The following PLSCR4 variants were observed in gnomAD, a reference collection of about 807,000 sequenced individuals.
PLSCR4 encodes phospholipid scramblase 4, also known as Ca(2+)-dependent phospholipid scramblase 4.
A neutral mutation model predicts 36.3 loss-of-function variants in PLSCR4; 25 were observed. That is an observed-to-expected ratio of 0.69 (90% CI 0.50 to 0.96). The LOEUF is 0.96. PLSCR4 is among the 40% of genes least tolerant of loss of function. PLSCR4 has a pLI of 0.00. For missense variants in PLSCR4, 408 were observed against 414.7 expected (o/e 0.98, Z 0.14); for synonymous variants, 122 against 132.9 (o/e 0.92, Z 0.56).
At chr3:146,211,530 A>G (rs2034620902) in intron 3 of PLSCR4, among the ~76,000 whole-genome samples, 1 of 152,106 alleles carries the variant, frequency 6.6e-6, no homozygotes, top group Non-Finnish European at 1.5e-5. Flanking sequence ...CCTTAGATAT[A>G]CAAAACTTTT....
At chr3:146,236,615 T>C (rs2035930594) in intron 1 of PLSCR4, among the ~76,000 whole-genome samples, 1 of 152,144 alleles carries the variant, frequency 6.6e-6, no homozygotes, top group Admixed American at 6.5e-5. Flanking sequence ...AGCTCTTCTC[T>C]TGGCCTGCCA....
intron 1 of PLSCR4, among the ~76,000 whole-genome samples, chr3:146,246,755 G>C (rs2036353257): frequency 6.6e-6 from 1 of 152,068 alleles, no homozygotes; most frequent in Admixed American, 6.5e-5. Flanking sequence ...ATGTCATGTT[G>C]CATACAGTTA....
At chr3:146,221,100 A>T (rs986175380) in intron 2 of PLSCR4, among the ~76,000 whole-genome samples, 175 bp from the exon 3 acceptor site, 2 of 152,224 alleles carry the variant, frequency 1.3e-5, no homozygotes, top group Non-Finnish European at 1.5e-5. Flanking sequence ...AATAAATTTC[A>T]TGAATTTTCA....
intron 3 of PLSCR4, among the ~76,000 whole-genome samples, chr3:146,208,203 G>A (rs1391181188): frequency 6.6e-6 from 1 of 152,098 alleles, no homozygotes; most frequent in Non-Finnish European, 1.5e-5. Context: ...TCAACAAATG[G>A]TACTGGGATA....
intron 6 of PLSCR4, 95 bp from the exon 7 acceptor site, chr3:146,196,888 T>C: frequency 2.0e-6 from 2 of 1,024,340 alleles, no homozygotes; most frequent in South Asian, 1.6e-5. Flanking sequence ...TCCTCACTCA[T>C]TCAAAGACTA....
intron 4 of PLSCR4, 88 bp downstream of exon 4, chr3:146,206,438 T>G (rs1385234036): frequency 2.2e-6 from 2 of 904,910 alleles, no homozygotes; most frequent in East Asian, 4.8e-5. Flanking sequence ...CCATCTCCTT[T>G]ATTCACTCTG....
chr3:146,192,753 C>G lies in PLSCR4; in HGVS notation c.*1658G>C, dbSNP rs537021642. The G allele has an allele frequency of 6.6e-6, 1 of 151,604 alleles. No homozygotes were observed. Among genetic ancestry groups the G allele is most frequent in the Non-Finnish European group, 1.5e-5 (1 of 67,930 alleles). 9.4% of individuals were successfully genotyped at this position (151,604 alleles called of 1,614,324 possible). On this transcript the variant is annotated 3_prime_UTR_variant, in exon 9 of 9. Transcript: ENST00000354952. ...TTATAGGAAATACATAGTCTACTTACGATTGCAATGGCACTTTCAAATATA... is the reference window on the plus strand; with the variant it reads ...TTATAGGAAATACATAGTCTACTTAGGATTGCAATGGCACTTTCAAATATA...
intron 6 of PLSCR4, among the ~76,000 whole-genome samples, chr3:146,199,420 G>C (rs191969930): frequency 2.6e-5 from 4 of 152,140 alleles, no homozygotes; most frequent in Admixed American, 1.3e-4. Context: ...GTTGTGATGG[G>C]TACTCTAAAC....
At chr3:146,194,761 C>T (rs1512903) in intron 8 of PLSCR4, among the ~76,000 whole-genome samples, 88,674 of 151,822 alleles carry the variant, frequency 0.58, 26,058 homozygotes, top group East Asian at 0.69. Context: ...ATGGGACATC[C>T]ACTTTAGAGT....
intron 4 of PLSCR4, among the ~76,000 whole-genome samples, chr3:146,201,967 A>G (rs187028855): frequency 1.6e-4 from 24 of 152,194 alleles, no homozygotes; most frequent in Admixed American, 1.4e-3. Context: ...CTGAAGTGCC[A>G]TATTTCACCA....
intron 1 of PLSCR4, among the ~76,000 whole-genome samples, chr3:146,225,321 T>TA (rs1359230569): frequency 6.6e-6 from 1 of 152,198 alleles, no homozygotes; most frequent in East Asian, 1.9e-4. Flanking sequence ...GAGCTAGACA[T>TA]AAAGACTCTC....
intron 4 of PLSCR4, among the ~76,000 whole-genome samples, chr3:146,202,121 C>T (rs982634058): frequency 6.6e-6 from 1 of 151,988 alleles, no homozygotes; most frequent in African/African-American, 2.4e-5. Context: ...TTAATTAAAA[C>T]CTTTTTCTTA....
At chr3:146,201,163 A>C in intron 4 of PLSCR4, 86 bp from the exon 5 acceptor site, 1 of 797,806 alleles carries the variant, frequency 1.3e-6, no homozygotes. Context: ...ATAGATATTA[A>C]AATGCATCAA....
chr3:146,207,295 G>A (rs182145132), intron 3 of PLSCR4, among the ~76,000 whole-genome samples: 2 of 151,878 alleles, frequency 1.3e-5, no homozygotes, highest in South Asian at 2.1e-4. Context: ...CTTCATCATC[G>A]AGTTCTCAGA....
rs748705925 is a variant in PLSCR4, at chr3:146,232,559, C to T, written c.-21-10467G>A. ...TCTCACTGTAGAAATCTTTCACCTCCGCAGTTAGCTGTATTCCTAGATATT... is the reference window on the plus strand; with the variant it reads ...TCTCACTGTAGAAATCTTTCACCTCTGCAGTTAGCTGTATTCCTAGATATT... On this transcript the variant is annotated intron_variant, in intron 1 of 8. Transcript: ENST00000354952. Among the ~76,000 whole-genome samples the T allele has an allele frequency of 8.0e-4, 122 of 152,198 alleles. No individual in the cohort carries two copies. The Middle Eastern group carries it at 0.014, about 17-fold the overall frequency.
Position 146,196,778 on chromosome 3 carries a change from G to GAC in PLSCR4, c.638_639dup (p.Pro214ValfsTer31), listed in dbSNP as rs780537604. The GAC allele has an allele frequency of 2.5e-6, 4 of 1,613,658 alleles. No homozygotes were observed. The highest frequency in any genetic ancestry group is 2.5e-6 in the Non-Finnish European group (3 of 1,179,838). ...ACAAAGCCAATGGTGACACCAGGAG[G>GAC]ACACTGCACCTCCAGCTGCAAACAA... On this transcript the variant is annotated frameshift_variant, in exon 7 of 9. Transcript: ENST00000354952. LOFTEE classifies it high-confidence loss of function.
intron 3 of PLSCR4, among the ~76,000 whole-genome samples, chr3:146,207,200 G>T (rs1316684236): frequency 1.3e-5 from 2 of 151,954 alleles, no homozygotes; most frequent in Non-Finnish European, 2.9e-5. Flanking sequence ...ATTGTTTGTG[G>T]TTACATAAAT....
At chr3:146,225,505 G>C (rs756731014) in intron 1 of PLSCR4, among the ~76,000 whole-genome samples, 2 of 152,156 alleles carry the variant, frequency 1.3e-5, no homozygotes, top group African/African-American at 2.4e-5. Context: ...GGGGAGGCTC[G>C]GGCCGCACAG....
intron 1 of PLSCR4, among the ~76,000 whole-genome samples, chr3:146,239,819 G>A (rs1308606524): frequency 2.0e-5 from 3 of 152,018 alleles, no homozygotes; most frequent in Non-Finnish European, 4.4e-5. Flanking sequence ...GGAGGTGGGG[G>A]TTGCTCTGAG....
Sources: gnomAD v4.1 joint callset for allele counts (sites outside exome capture counted in the v4.1 genomes callset) on GRCh38, gnomAD v4.1.1 for gene constraint, MANE v1.5 for transcripts, NCBI Gene and HGNC (gene_info 2026-07-23, HGNC 2026-07-21) for gene names.